Variants in CRHBP observed in about 807,000 individuals in gnomAD.
The protein encoded by CRHBP is corticotropin-releasing hormone-binding protein.
A neutral mutation model predicts 34.9 loss-of-function variants in CRHBP; 19 were observed. The ratio of observed to expected loss-of-function variants is 0.55; its 90% CI spans 0.38 to 0.80. CRHBP has a LOEUF of 0.80. Ranked by LOEUF, CRHBP falls within the 30% of genes least tolerant of loss-of-function variation. The pLI, the probability that CRHBP is intolerant of heterozygous loss-of-function variation, is 0.00. For synonymous variants in CRHBP, 154 were observed against 153.4 expected (o/e 1.00, Z -0.03); for missense variants, 328 against 409.2 (o/e 0.80, Z 1.71).
intron 2 of CRHBP, among the ~76,000 whole-genome samples, chr5:76,975,031 T>C (rs964919642): frequency 1.3e-5 from 2 of 152,200 alleles, no homozygotes; most frequent in Non-Finnish European, 2.9e-5. Context: ...AGACATACAG[T>C]TGGATGAGCT....
Position 76,966,434 on chromosome 5 carries a change from A to G in CRHBP, c.812-2294A>G, listed in dbSNP as rs376890335. On this transcript the variant is annotated intron_variant, in intron 6 of 6. Coordinates refer to ENST00000274368, the MANE Select transcript of CRHBP (RefSeq NM_001882.4). ...AGCCCATGCTTGTTCCACGGCCAGT[A>G]CAAGGCACTCTCCCTTTCCTTGTGA... Among the ~76,000 whole-genome samples, 67 of 152,354 alleles carry G rather than the reference A, an allele frequency of 4.4e-4. 1 individual carries two copies. Among genetic ancestry groups the G allele is most frequent in the African/African-American group, 1.5e-3 (64 of 41,582 alleles).
intron 5 of CRHBP, 47 bp downstream of exon 5, chr5:76,958,936 T>TG (rs1745732541): frequency 6.3e-7 from 1 of 1,598,720 alleles, no homozygotes. Flanking sequence ...GCCACAACTT[T>TG]ATCAGAGCAG....
At chr5:76,953,237 C>A (rs41272246) in intron 1 of CRHBP, 22 bp downstream of exon 1, 62,052 of 1,607,350 alleles carry the variant, frequency 0.039, 1,234 homozygotes, top group Middle Eastern at 0.052. Flanking sequence ...CTGGACTGAC[C>A]CATCTCACCT....
At chr5:76,960,096 T>C (rs1351172908) in intron 5 of CRHBP, among the ~76,000 whole-genome samples, 1 of 152,168 alleles carries the variant, frequency 6.6e-6, no homozygotes, top group Non-Finnish European at 1.5e-5. Flanking sequence ...ACAGGCAAAA[T>C]TGCCATGTAT....
downstream of CRHBP, among the ~76,000 whole-genome samples, chr5:76,971,004 C>A (rs532932065): frequency 6.6e-6 from 1 of 152,274 alleles, no homozygotes; most frequent in East Asian, 1.9e-4. Flanking sequence ...ACTACTTAGC[C>A]TATGTTCCAA....
At chr5:76,959,083 G>T in intron 5 of CRHBP, 194 bp downstream of exon 5, 1 of 510,276 alleles carries the variant, frequency 2.0e-6, no homozygotes, top group Non-Finnish European at 3.4e-6. Context: ...GCGGCAAGTT[G>T]CATACTCAGG....
rs925480009 is a variant in CRHBP, at chr5:76,968,585, C to T, written c.812-143C>T. The T allele has an allele frequency of 4.6e-6, 3 of 648,458 alleles. No individual in the cohort carries two copies. In the Admixed American group the frequency reaches 1.1e-4, roughly 23 times the overall value. The allele number at this position is 648,458 out of a possible 1,614,324, so 40.2% of individuals were successfully genotyped here. ...TAAAAATGAAACAAAAACATTTCAA[C>T]TGATAGTAGATGCATGGTTTGGGTA... On this transcript the variant is annotated intron_variant, in intron 6 of 6. Coordinates refer to ENST00000274368, the MANE Select transcript of CRHBP (RefSeq NM_001882.4).
At chr5:76,971,182 C>T (rs1225786464), downstream of CRHBP, among the ~76,000 whole-genome samples, 1 of 152,186 alleles carries the variant, frequency 6.6e-6, no homozygotes, top group African/African-American at 2.4e-5. Flanking sequence ...ATTGACTCTG[C>T]AGCCAACCCT....
At chr5:76,953,418 G>A in intron 1 of CRHBP, 183 bp from the exon 2 acceptor site, 3 of 852,474 alleles carry the variant, frequency 3.5e-6, no homozygotes, top group Non-Finnish European at 5.7e-6. Context: ...TCCTCTGGCC[G>A]CTGGGGATAC....
chr5:76,974,997 G>A (rs1026305033), intron 2 of CRHBP, among the ~76,000 whole-genome samples: 2 of 152,142 alleles, frequency 1.3e-5, no homozygotes, highest in Non-Finnish European at 2.9e-5. Context: ...TTTGCTTTAG[G>A]GGAAAGATTT....
intron 6 of CRHBP, among the ~76,000 whole-genome samples, chr5:76,964,868 C>T (rs1745836838): frequency 6.6e-6 from 1 of 151,610 alleles, no homozygotes; most frequent in Non-Finnish European, 1.5e-5. Flanking sequence ...GAGATTCTGT[C>T]TCAAAAAATA....
At chr5:76,953,522 G>A in intron 1 of CRHBP, 79 bp from the exon 2 acceptor site, 1 of 1,346,882 alleles carries the variant, frequency 7.4e-7, no homozygotes, top group Non-Finnish European at 1.0e-6. Context: ...CTGAGTGGCA[G>A]GGAGGGTGCC....
At chr5:76,963,288 T>C in intron 5 of CRHBP, 55 bp from the exon 6 acceptor site, 1 of 1,497,864 alleles carries the variant, frequency 6.7e-7, no homozygotes, top group Admixed American at 1.7e-5. Context: ...GGTCAAATGG[T>C]TTGACTTCTG....
At chr5:76,965,874 G>A (rs1207921041) in intron 6 of CRHBP, among the ~76,000 whole-genome samples, 1 of 152,134 alleles carries the variant, frequency 6.6e-6, no homozygotes, top group Non-Finnish European at 1.5e-5. Context: ...TGGACAAAAC[G>A]CACAAAGTAA....
Position 76,968,773 on chromosome 5 carries a change from C to G in CRHBP, c.857C>G (p.Ser286Cys), listed in dbSNP as rs760579941. The G allele has an allele frequency of 9.9e-6, 16 of 1,614,086 alleles. 1 individual carries two copies. In the Middle Eastern group the frequency reaches 6.6e-4, roughly 67 times the overall value. Residue 286 changes from serine (S) to cysteine (C), a missense_variant, in exon 7 of 7, where the codon TCC becomes TGC. Around this residue, in one of 3 missense-constraint regions of CRHBP, gnomAD observed 144 missense variants for 216.7 expected, o/e 0.66. Transcript: ENST00000274368. ...GACAACACTGTGGTGCGCATGGTCT[C>G]CAGTGGAAAACACGTAAATCGTGTG... is the stretch of plus-strand genomic sequence containing the variant. ...GCDNTVVRMVSSGKHVNRVTF... is the reference protein window; with the variant it reads ...GCDNTVVRMVCSGKHVNRVTF...
chr5:76,975,298 C>T (rs1746008681), intron 2 of CRHBP, among the ~76,000 whole-genome samples: 1 of 152,072 alleles, frequency 6.6e-6, no homozygotes, highest in Admixed American at 6.6e-5. Flanking sequence ...AACCCTTTTT[C>T]TTCTGTTATC....
chr5:76,969,953 T>C (rs1745922073), downstream of CRHBP, among the ~76,000 whole-genome samples: 2 of 135,374 alleles, frequency 1.5e-5, no homozygotes, highest in African/African-American at 3.0e-5. Flanking sequence ...TTTTTTTTTT[T>C]TTTTTTTTTT....
intron 2 of CRHBP, among the ~76,000 whole-genome samples, chr5:76,975,825 A>AATATATAT (rs1217039736): frequency 2.7e-4 from 17 of 61,840 alleles, no homozygotes; most frequent in East Asian, 2.1e-3. Flanking sequence ...AAAAAAAAAA[A>AATATATAT]ATATATATAT....
chr5:76,953,498 C>G, intron 1 of CRHBP, 103 bp from the exon 2 acceptor site: 1 of 1,181,026 alleles, frequency 8.5e-7, no homozygotes, highest in Non-Finnish European at 1.2e-6. Context: ...ACCCCTCTCT[C>G]TTTATTCGCT....
Sources: allele counts gnomAD v4.1 joint callset (sites outside exome capture counted in the v4.1 genomes callset), GRCh38; gene constraint gnomAD v4.1.1; regional missense constraint gnomAD v4.1.1; transcripts MANE v1.5; gene names NCBI Gene and HGNC (gene_info 2026-07-23, HGNC 2026-07-21).